Variants in CCBE1 observed in about 807,000 individuals in gnomAD.
CCBE1 encodes collagen and calcium-binding EGF domain-containing protein 1.
Under a neutral mutation model 50.0 loss-of-function variants are expected in CCBE1, and 37 were observed. That is an observed-to-expected ratio of 0.74 (90% confidence interval 0.57 to 0.97). CCBE1 has a LOEUF of 0.97. Ranked by LOEUF, CCBE1 falls within the 50% of genes least tolerant of loss-of-function variation. The pLI, the probability that CCBE1 is intolerant of heterozygous loss-of-function variation, is 0.00. For missense variants in CCBE1, 538 were observed against 523.8 expected (o/e 1.03, Z -0.26); for synonymous variants, 234 against 203.7 (o/e 1.15, Z -1.27).
At chr18:59,636,028 C>T (rs1035772245) in intron 2 of CCBE1, among the ~76,000 whole-genome samples, 1 of 152,040 alleles carries the variant, frequency 6.6e-6, no homozygotes, top group African/African-American at 2.4e-5. Context: ...TGGTGGGCAC[C>T]TGTAGTCCCA....
chr18:59,693,373 A>G (rs924330782), intron 2 of CCBE1, among the ~76,000 whole-genome samples: 48 of 152,024 alleles, frequency 3.2e-4, no homozygotes, highest in Admixed American at 1.3e-3. Context: ...TTGTCCCCCA[A>G]CTTGAGATGT....
At chr18:59,632,219 GA>G (rs1168440844) in intron 2 of CCBE1, among the ~76,000 whole-genome samples, 6 of 152,182 alleles carry the variant, frequency 3.9e-5, no homozygotes, top group African/African-American at 1.4e-4. Flanking sequence ...TCAGGATCAC[GA>G]GGGCACTGAC....
chr18:59,482,892 G>A (rs1450348864), intron 2 of CCBE1, among the ~76,000 whole-genome samples: 1 of 112,612 alleles, frequency 8.9e-6, no homozygotes, highest in African/African-American at 2.8e-5. Context: ...CCGTTTTTAA[G>A]AAGTATTTTT....
chr18:59,668,164 A>G (rs2054380511), intron 2 of CCBE1, among the ~76,000 whole-genome samples: 1 of 152,176 alleles, frequency 6.6e-6, no homozygotes, highest in Non-Finnish European at 1.5e-5. Flanking sequence ...TCATGTCTGT[A>G]ATCCCAACAC....
chr18:59,555,150 G>A (rs2052637817), intron 2 of CCBE1, among the ~76,000 whole-genome samples: 1 of 152,166 alleles, frequency 6.6e-6, no homozygotes, highest in Non-Finnish European at 1.5e-5. Flanking sequence ...GAGACATATG[G>A]TGGTAAATAA....
chr18:59,627,586 T>C (rs575690718), intron 2 of CCBE1, among the ~76,000 whole-genome samples: 1 of 152,292 alleles, frequency 6.6e-6, no homozygotes, highest in African/African-American at 2.4e-5. Flanking sequence ...ATCCAATGAA[T>C]AGTGTCATAA....
intron 2 of CCBE1, among the ~76,000 whole-genome samples, chr18:59,484,223 A>G (rs958998058): frequency 6.6e-6 from 1 of 152,228 alleles, no homozygotes; most frequent in Non-Finnish European, 1.5e-5. Flanking sequence ...AGGCTGTCCT[A>G]CAGAAAACTA....
chr18:59,669,146 A>G (rs924595850), intron 2 of CCBE1, among the ~76,000 whole-genome samples: 4 of 152,104 alleles, frequency 2.6e-5, no homozygotes, highest in African/African-American at 7.2e-5. Flanking sequence ...AACATAAGTC[A>G]CTTATAAAGA....
At chr18:59,566,342 A>T (rs1045937904) in intron 2 of CCBE1, among the ~76,000 whole-genome samples, 17 of 152,228 alleles carry the variant, frequency 1.1e-4, no homozygotes, top group African/African-American at 3.9e-4. Flanking sequence ...TCCAGCAAGG[A>T]AACAATATGG....
chr18:59,582,679 A>G (rs2053103241), intron 2 of CCBE1, among the ~76,000 whole-genome samples: 1 of 152,078 alleles, frequency 6.6e-6, no homozygotes, highest in Admixed American at 6.5e-5. Flanking sequence ...CCCCCAGTCC[A>G]CACCCAACCT....
At chr18:59,687,665 A>C (rs1318189791) in intron 2 of CCBE1, among the ~76,000 whole-genome samples, 2 of 151,990 alleles carry the variant, frequency 1.3e-5, no homozygotes, top group East Asian at 3.8e-4. Flanking sequence ...AGGAAGTTCA[A>C]AAATTCATAA....
Position 59,498,700 on chromosome 18 carries a change from C to T in CCBE1, c.213-18462G>A, listed in dbSNP as rs547085724. On this transcript the variant is annotated intron_variant, in intron 2 of 10. Transcript: ENST00000439986. ...CAACGTTAGTGCATAATTCATTTTC[C>T]GTGCCTTGTTGCTTTCTGTCTGGCT... 3.9e-5 allele frequency among the ~76,000 whole-genome samples: 6 copies of T among 152,136 alleles called. No homozygotes were observed. The East Asian group carries it at 5.8e-4, about 15-fold the overall frequency.
intron 2 of CCBE1, among the ~76,000 whole-genome samples, chr18:59,677,224 A>C (rs994914793): frequency 6.6e-6 from 1 of 152,212 alleles, no homozygotes; most frequent in Admixed American, 6.5e-5. Flanking sequence ...GAGATAGCCC[A>C]AAAAGTCCCA....
chr18:59,667,319 C>T (rs1599118246), intron 2 of CCBE1, among the ~76,000 whole-genome samples: 2 of 152,208 alleles, frequency 1.3e-5, no homozygotes, highest in South Asian at 2.1e-4. Flanking sequence ...TTTTCTATTT[C>T]GTAAGGATTG....
intron 2 of CCBE1, among the ~76,000 whole-genome samples, chr18:59,575,581 T>G (rs888119101): frequency 6.6e-6 from 1 of 152,168 alleles, no homozygotes; most frequent in African/African-American, 2.4e-5. Context: ...GATGGCAGAA[T>G]TTGAGAGAGG....
intron 2 of CCBE1, among the ~76,000 whole-genome samples, chr18:59,624,544 C>T (rs1338001235): frequency 1.1e-4 from 17 of 152,214 alleles, no homozygotes; most frequent in Non-Finnish European, 2.5e-4. Flanking sequence ...GTTAGGCTTC[C>T]TGCCACTGAG....
intron 2 of CCBE1, among the ~76,000 whole-genome samples, chr18:59,553,786 A>G (rs1916013608): frequency 1.3e-5 from 2 of 152,218 alleles, no homozygotes; most frequent in South Asian, 4.1e-4. Context: ...TGTTCCTCCA[A>G]CACTGCAGCC....
At chr18:59,526,363 G>A (rs1407231389) in intron 2 of CCBE1, among the ~76,000 whole-genome samples, 1 of 149,588 alleles carries the variant, frequency 6.7e-6, no homozygotes, top group East Asian at 2.0e-4. Flanking sequence ...CGGCTGGAGT[G>A]CAGTGGCACC....
chr18:59,696,497 C>A (rs539003531), intron 2 of CCBE1, 132 bp downstream of exon 2: 13 of 1,542,130 alleles, frequency 8.4e-6, no homozygotes, highest in Admixed American at 1.9e-5. Flanking sequence ...CCGCGCGGCA[C>A]GCACCCAGCA....
Sources: gnomAD v4.1 joint callset for allele counts (sites outside exome capture counted in the v4.1 genomes callset) on GRCh38, gnomAD v4.1.1 for gene constraint, MANE v1.5 for transcripts, NCBI Gene and HGNC (gene_info 2026-07-23, HGNC 2026-07-21) for gene names.